Variants in NCOR2 observed in about 807,000 individuals in gnomAD.
The protein encoded by NCOR2 is nuclear receptor corepressor 2, also known as CTG repeat protein 26.
In NCOR2, 81 loss-of-function variants were observed where a neutral mutation model predicts 262.9. That is an observed-to-expected ratio of 0.31 (90% confidence interval 0.26 to 0.37). The LOEUF (loss-of-function observed/expected upper bound fraction) is 0.37, where lower values mean the gene tolerates loss of function less well. Among genes scored for constraint, NCOR2 ranks in the 10% least tolerant of loss-of-function variants. The pLI, the probability that NCOR2 is intolerant of heterozygous loss-of-function variation, is 1.00. For missense variants in NCOR2, 3,385 were observed against 3,621.4 expected (o/e 0.93, Z 1.68); for synonymous variants, 1,659 against 1,559.3 (o/e 1.06, Z -1.51).
At chr12:124,360,328 C>G (rs1035716050) in intron 22 of NCOR2, among the ~76,000 whole-genome samples, 1 of 152,238 alleles carries the variant, frequency 6.6e-6, no homozygotes, top group East Asian at 1.9e-4. Context: ...ATCCCCACAC[C>G]GGGTTCAACG....
At chr12:124,490,153 GA>G (rs1036725066) in intron 1 of NCOR2, among the ~76,000 whole-genome samples, 9 of 152,132 alleles carry the variant, frequency 5.9e-5, no homozygotes, top group Admixed American at 4.6e-4. Flanking sequence ...TCCTCAGCCA[GA>G]TTCCCACATG....
intron 13 of NCOR2, among the ~76,000 whole-genome samples, chr12:124,411,784 C>A (rs1009696068): frequency 6.6e-6 from 1 of 152,210 alleles, no homozygotes; most frequent in Non-Finnish European, 1.5e-5. Flanking sequence ...GGGCTCGGAG[C>A]CCAAGAGAGG....
chr12:124,494,417 C>T (rs559392233), intron 1 of NCOR2, among the ~76,000 whole-genome samples: 31 of 152,296 alleles, frequency 2.0e-4, no homozygotes, highest in East Asian at 1.2e-3. Context: ...GCCAAAGGAG[C>T]GAAACCAAGG....
exon 47 of NCOR2, chr12:124,325,432 C>G (rs1018614693): frequency 7.4e-6 from 8 of 1,082,530 alleles, no homozygotes; most frequent in Non-Finnish European, 9.3e-6. Flanking sequence ...TCTCGTACTG[C>G]GAGCAGAGCA....
intron 20 of NCOR2, among the ~76,000 whole-genome samples, chr12:124,365,719 CCT>C (rs1407832319): frequency 1.3e-5 from 2 of 151,104 alleles, no homozygotes; most frequent in East Asian, 3.9e-4. Flanking sequence ...AGCCCACTCT[CCT>C]CCCTCCCCTC....
chr12:124,408,923 G>T (rs1202733751), intron 13 of NCOR2, among the ~76,000 whole-genome samples: 2 of 152,128 alleles, frequency 1.3e-5, no homozygotes, highest in Non-Finnish European at 2.9e-5. Context: ...TGGTGCTAGG[G>T]GCATCTTTCC....
Position 124,486,439 on chromosome 12 carries a change from A to G in NCOR2, c.233+2T>C, listed in dbSNP as rs1171016193. The G allele has an allele frequency of 1.2e-6, 2 of 1,612,446 alleles. No individual in the cohort carries two copies. Among genetic ancestry groups the G allele is most frequent in the Admixed American group, 1.7e-5 (1 of 59,896 alleles). ...ACAGGGAGGCAGCAACTCTCTCCTC[A>G]CCGTTCATTCCCGGGCTGGAACTCA... is the stretch of plus-strand genomic sequence containing the variant. On this transcript the variant is annotated splice_donor_variant, in intron 2 of 46. Coordinates refer to ENST00000405201, the Ensembl canonical transcript of NCOR2. LOFTEE classifies it high-confidence loss of function.
At chr12:124,497,601 A>G (rs1428489443), upstream of NCOR2, among the ~76,000 whole-genome samples, 1 of 152,254 alleles carries the variant, frequency 6.6e-6, no homozygotes, top group East Asian at 1.9e-4. This position sits in a 1 kb window ranked among gnomAD's most constrained non-coding sequence, Gnocchi z 4.2. Context: ...TGTGGAATAA[A>G]TAGGAAGGCA....
chr12:124,552,718 T>G (rs1754593637), intron 1 of NCOR2, among the ~76,000 whole-genome samples: 1 of 152,150 alleles, frequency 6.6e-6, no homozygotes, highest in Admixed American at 6.5e-5. Flanking sequence ...AGACAGGGTC[T>G]CACTTGGTCA....
intron 16 of NCOR2, among the ~76,000 whole-genome samples, chr12:124,395,288 A>G (rs1026473391): frequency 6.6e-6 from 1 of 151,482 alleles, no homozygotes; most frequent in South Asian, 2.1e-4. Context: ...CCGACCCCCT[A>G]TGGAGGAGTT....
At chr12:124,353,995 G>A (rs1446036390) in intron 27 of NCOR2, 98 bp downstream of exon 29, 39 of 1,097,762 alleles carry the variant, frequency 3.6e-5, no homozygotes, top group East Asian at 3.3e-4. Context: ...TCACCCCATC[G>A]GCTGAGGCTA....
At chr12:124,470,069 G>A (rs1014312942) in intron 4 of NCOR2, among the ~76,000 whole-genome samples, 4 of 151,916 alleles carry the variant, frequency 2.6e-5, no homozygotes, top group African/African-American at 4.8e-5. Context: ...AGAAGGCTGA[G>A]GTAGAAGGAT....
chr12:124,445,343 G>C (rs180735784), intron 7 of NCOR2, among the ~76,000 whole-genome samples: 1 of 152,248 alleles, frequency 6.6e-6, no homozygotes, highest in African/African-American at 2.4e-5. Flanking sequence ...CCCCGGCCCC[G>C]CCCCGGTGGT....
chr12:124,326,162 G>A (rs1483372576), intron 46 of NCOR2, 29 bp downstream of exon 48: 1 of 1,476,902 alleles, frequency 6.8e-7, no homozygotes, highest in Non-Finnish European at 8.9e-7. Context: ...GGCTCAGCGA[G>A]CCCAGCCCTG....
chr12:124,447,820 C>T (rs996536271), intron 7 of NCOR2, among the ~76,000 whole-genome samples: 2 of 152,052 alleles, frequency 1.3e-5, no homozygotes, highest in African/African-American at 4.8e-5. Context: ...CCTTCGCCTC[C>T]TGAGTACCTG....
intron 7 of NCOR2, among the ~76,000 whole-genome samples, chr12:124,447,974 G>A (rs1467649283): frequency 2.0e-5 from 3 of 152,204 alleles, no homozygotes; most frequent in Admixed American, 6.5e-5. Flanking sequence ...ATGAGCCACT[G>A]CACCCGGCTG....
chr12:124,332,086 T>C (rs974372091), intron 43 of NCOR2: 1 of 552,940 alleles, frequency 1.8e-6, no homozygotes, highest in African/African-American at 1.9e-5. Context: ...TACTATGTGC[T>C]GGGTGCTATT....
At chr12:124,337,305 C>G (rs906896128) in intron 37 of NCOR2, 125 bp from the exon 40 acceptor site, 7 of 1,124,864 alleles carry the variant, frequency 6.2e-6, no homozygotes, top group Middle Eastern at 1.9e-4. Flanking sequence ...TGAAACTGCC[C>G]TCCTGACTGT....
chr12:124,479,853 G>C (rs1593746571), intron 3 of NCOR2, among the ~76,000 whole-genome samples: 1 of 152,222 alleles, frequency 6.6e-6, no homozygotes, highest in African/African-American at 2.4e-5. Context: ...AGCTGCCTGG[G>C]CCTGAATCCC....
Sources: allele counts gnomAD v4.1 joint callset (sites outside exome capture counted in the v4.1 genomes callset), GRCh38; gene constraint gnomAD v4.1.1; non-coding constraint Gnocchi (gnomAD v3.1); transcripts MANE v1.5; gene names NCBI Gene and HGNC (gene_info 2026-07-23, HGNC 2026-07-21).